AGPAT5: variants seen among roughly 807,000 people sequenced by gnomAD.
AGPAT5 encodes the protein 1-acyl-sn-glycerol-3-phosphate acyltransferase epsilon.
Under a neutral mutation model 45.6 loss-of-function variants are expected in AGPAT5, and 46 were observed. The ratio of observed to expected loss-of-function variants is 1.01; its 90% CI spans 0.80 to 1.29. The LOEUF is 1.29. AGPAT5 is among the 50% of genes most tolerant of loss of function. The pLI is 0.00. For missense variants in AGPAT5, 673 were observed against 450.7 expected (o/e 1.49, Z -4.47); for synonymous variants, 272 against 167.0 (o/e 1.63, Z -4.85).
intron 6 of AGPAT5, among the ~76,000 whole-genome samples, chr8:6,748,950 G>T (rs1442617159): frequency 3.9e-5 from 6 of 152,172 alleles, no homozygotes; most frequent in African/African-American, 1.4e-4. Context: ...ATTTTATAGA[G>T]TAATATTTTT....
chr8:6,734,678 G>A (rs138268168), intron 4 of AGPAT5, among the ~76,000 whole-genome samples: 4 of 152,074 alleles, frequency 2.6e-5, no homozygotes, highest in South Asian at 2.1e-4. Context: ...TTTGCCTAAC[G>A]CTGGGCCTTT....
At chr8:6,719,123 G>T (rs2019188) in intron 1 of AGPAT5, among the ~76,000 whole-genome samples, 1 of 152,220 alleles carries the variant, frequency 6.6e-6, no homozygotes, top group African/African-American at 2.4e-5. Flanking sequence ...AAGATTATCA[G>T]GATTTAATAT....
At chr8:6,724,648 T>C (rs927261766) in intron 1 of AGPAT5, among the ~76,000 whole-genome samples, 2 of 101,194 alleles carry the variant, frequency 2.0e-5, no homozygotes, top group African/African-American at 4.4e-5. Flanking sequence ...AGGATATTGA[T>C]TATTCTATTT....
At chr8:6,749,837 C>T (rs1178799105) in intron 6 of AGPAT5, among the ~76,000 whole-genome samples, 4 of 152,234 alleles carry the variant, frequency 2.6e-5, no homozygotes, top group Admixed American at 6.5e-5. Context: ...ATCATGTCCC[C>T]TCCTGTCTAA....
In AGPAT5 at chr8:6,759,579, C is replaced by T. The variant is rs527636781; in HGVS notation, c.*2191C>T. On this transcript the variant is annotated 3_prime_UTR_variant, in exon 8 of 8. Coordinates refer to ENST00000285518, the MANE Select transcript of AGPAT5 (RefSeq NM_018361.5). ...TATTAATTTTTCTTTATAAGAATGC[C>T]GTCGATGTGCATGCTTTTATGTTTT... 2.0e-5 allele frequency: 3 copies of T among 151,992 alleles called. No homozygotes were observed. Among genetic ancestry groups the T allele is most frequent in the Non-Finnish European group, 4.4e-5 (3 of 67,998 alleles). 9.4% of individuals were successfully genotyped at this position (151,992 alleles called of 1,614,324 possible).
chr8:6,750,633 G>A (rs1200869304), intron 6 of AGPAT5, among the ~76,000 whole-genome samples: 1 of 151,650 alleles, frequency 6.6e-6, no homozygotes, highest in East Asian at 1.9e-4. Context: ...CTGATAACTA[G>A]AAAGAAAAAT....
intron 7 of AGPAT5, among the ~76,000 whole-genome samples, chr8:6,756,672 T>A (rs1402213703): frequency 6.6e-6 from 1 of 152,116 alleles, no homozygotes; most frequent in Non-Finnish European, 1.5e-5. Context: ...TACATGCCAT[T>A]TTATTCATAT....
At position 6,747,660 on chromosome 8, in the gene AGPAT5, T is replaced by G; in HGVS notation, c.587-10T>G. 1 of 1,605,470 alleles carries G rather than the reference T, an allele frequency of 6.2e-7. No homozygotes were observed. The highest frequency in any genetic ancestry group is 8.5e-7 in the Non-Finnish European group (1 of 1,173,940). ...TAACTAATTAATGACGGCACTGAAT[T>G]GACTTCTAGGCCTTGCAGTATTAAA... On this transcript the variant is annotated splice_polypyrimidine_tract_variant and intron_variant, in intron 5 of 7. Coordinates refer to ENST00000285518, the MANE Select transcript of AGPAT5 (RefSeq NM_018361.5).
intron 1 of AGPAT5, among the ~76,000 whole-genome samples, chr8:6,716,425 G>A (rs1303397048): frequency 6.6e-6 from 1 of 152,144 alleles, no homozygotes; most frequent in Non-Finnish European, 1.5e-5. Context: ...ACTGGGCATG[G>A]TGGTGTGTGC....
intron 4 of AGPAT5, among the ~76,000 whole-genome samples, chr8:6,734,216 G>A (rs559814556): frequency 2.0e-5 from 3 of 150,606 alleles, no homozygotes; most frequent in Non-Finnish European, 3.0e-5. Flanking sequence ...TTCATTTCTC[G>A]CTGTTCTTTA....
intron 2 of AGPAT5, among the ~76,000 whole-genome samples, chr8:6,725,568 TC>T (rs1019090333): frequency 1.3e-5 from 2 of 152,200 alleles, no homozygotes; most frequent in African/African-American, 4.8e-5. Context: ...GCAATATTTT[TC>T]CCAATGGTGA....
chr8:6,722,993 T>G (rs1390750251), intron 1 of AGPAT5, among the ~76,000 whole-genome samples: 1 of 152,178 alleles, frequency 6.6e-6, no homozygotes, highest in Non-Finnish European at 1.5e-5. Context: ...AGTGACAAAT[T>G]ATTTGCAGGG....
At chr8:6,747,957 T>C in intron 6 of AGPAT5, 129 bp downstream of exon 6, 1 of 978,096 alleles carries the variant, frequency 1.0e-6, no homozygotes, top group Non-Finnish European at 1.4e-6. Flanking sequence ...GGTATATTTT[T>C]CAAGATGTTA....
intron 2 of AGPAT5, among the ~76,000 whole-genome samples, chr8:6,728,381 TAA>T (rs1161006680): frequency 4.6e-5 from 7 of 152,240 alleles, no homozygotes; most frequent in Non-Finnish European, 8.8e-5. Context: ...AAACAAGAAA[TAA>T]AGAGAATTCA....
chr8:6,710,111 CAA>C (rs1310298006), intron 1 of AGPAT5, among the ~76,000 whole-genome samples: 1 of 151,896 alleles, frequency 6.6e-6, no homozygotes, highest in East Asian at 1.9e-4. Context: ...GCTCAGAACA[CAA>C]AGTCATTCAC....
At chr8:6,712,837 G>A (rs1800196947) in intron 1 of AGPAT5, among the ~76,000 whole-genome samples, 1 of 152,188 alleles carries the variant, frequency 6.6e-6, no homozygotes, top group African/African-American at 2.4e-5. Context: ...CATGTTCTGT[G>A]AAGCTGATAA....
chr8:6,713,361 C>G (rs917939136), intron 1 of AGPAT5, among the ~76,000 whole-genome samples: 10 of 152,156 alleles, frequency 6.6e-5, no homozygotes, highest in South Asian at 2.1e-4. Context: ...ATTAGTGGCT[C>G]TGACTGCTAA....
chr8:6,717,960 A>G (rs1800385202), intron 1 of AGPAT5, among the ~76,000 whole-genome samples: 1 of 152,214 alleles, frequency 6.6e-6, no homozygotes, highest in Non-Finnish European at 1.5e-5. Context: ...ACCTAGGTGT[A>G]ATTCCTATTT....
chr8:6,717,932 G>T (rs945603789), intron 1 of AGPAT5, among the ~76,000 whole-genome samples: 6 of 152,122 alleles, frequency 3.9e-5, no homozygotes, highest in Non-Finnish European at 5.9e-5. Flanking sequence ...AAAAGATTTT[G>T]GGATCTTGCA....
Sources: allele counts gnomAD v4.1 joint callset (sites outside exome capture counted in the v4.1 genomes callset), GRCh38; gene constraint gnomAD v4.1.1; transcripts MANE v1.5; gene names NCBI Gene and HGNC (gene_info 2026-07-23, HGNC 2026-07-21).